Variants in PPRC1 observed in about 807,000 individuals in gnomAD.
PPRC1 encodes the protein PPARG related coactivator 1.
A neutral mutation model predicts 132.5 loss-of-function variants in PPRC1; 23 were observed. The observed-to-expected ratio is 0.17, with a 90% CI of 0.12 to 0.25. PPRC1 has a LOEUF of 0.25. Ranked by LOEUF, PPRC1 falls within the 10% of genes least tolerant of loss-of-function variation. The pLI, the probability that PPRC1 is intolerant of heterozygous loss-of-function variation, is 1.00. For synonymous variants in PPRC1, 872 were observed against 833.5 expected, an observed-to-expected ratio of 1.05 and a Z score of -0.80; for missense variants, 2,006 against 2,089.1, an observed-to-expected ratio of 0.96 and a Z score of 0.78.
At position 102,139,490 on chromosome 10, in the gene PPRC1, G is replaced by A; in HGVS notation, c.982G>A (p.Asp328Asn). Residue 328 changes from aspartate to asparagine, a missense_variant, in exon 5 of 14, where the codon GAT (aspartate) becomes AAT (asparagine). By Grantham distance (23) the Asp-to-Asn change is conservative. Coordinates refer to ENST00000278070, the MANE Select transcript of PPRC1 (RefSeq NM_015062.5). ...PNLTHLASLE[D>N]ELQEQPDDLT... ...CCTCACCCACCTGGCATCACTTGAG[G>A]ATGAGCTTCAGGAGCAGCCAGATGA... The A allele has an allele frequency of 3.7e-6, 6 of 1,614,112 alleles. No homozygotes were observed. In the South Asian group the frequency reaches 6.6e-5, roughly 18 times the overall value.
the PPRC1 span, among the ~76,000 whole-genome samples, chr10:102,121,706 T>G: frequency 6.6e-6 from 1 of 152,080 alleles, no homozygotes; most frequent in Admixed American, 6.5e-5. Context: ...AGTTTCAGTA[T>G]GGGCTCCAGG....
Position 102,148,856 on chromosome 10 carries a change from C to A in PPRC1, c.4657C>A (p.Arg1553Ser). Residue 1553 changes from arginine (R) to serine (S), a missense_variant, in exon 12 of 14, where the codon CGC becomes AGC. By Grantham distance (110) the Arg-to-Ser change is moderately radical (BLOSUM62 -1). Around this residue, in one of 2 missense-constraint regions of PPRC1, gnomAD observed 92 missense variants for 171.9 expected, o/e 0.54. Transcript: ENST00000278070. This position sits in a 1 kb window ranked among gnomAD's most constrained non-coding sequence, Gnocchi z 4.2. ...RVVFIGKIPGRMTRSELKQRF... is the reference protein window; with the variant it reads ...RVVFIGKIPGSMTRSELKQRF... ...GGTCTTCATTGGAAAGATACCTGGC[C>A]GCATGACTCGATCAGAGCTGAAACA... 2 of 1,614,106 alleles carry A rather than the reference C, an allele frequency of 1.2e-6. No homozygotes were observed. The highest frequency in any genetic ancestry group is 1.7e-6 in the Non-Finnish European group (2 of 1,180,024).
At position 102,140,092 on chromosome 10, in the gene PPRC1, G is replaced by C. The variant is rs765610716; in HGVS notation, c.1584G>C (p.Trp528Cys). ...AGCCCCGGGCTTGGGCTCGGGCCTG[G>C]GCAGCTGCCTTGGAGAATTCTAGCC... is the stretch of plus-strand genomic sequence containing the variant. The part of the protein sequence containing the change: ...KGKPRAWARA[W>C]AAALENSSPK... Residue 528 changes from tryptophan (W) to cysteine (C), a missense_variant, in exon 5 of 14, where the codon TGG becomes TGC. Coordinates refer to ENST00000278070, the MANE Select transcript of PPRC1 (RefSeq NM_015062.5). The C allele has an allele frequency of 6.2e-7, 1 of 1,614,232 alleles. No homozygotes were observed. Among genetic ancestry groups the C allele is most frequent in the Non-Finnish European group, 8.5e-7 (1 of 1,180,040 alleles).
Position 102,148,444 on chromosome 10 carries a change from TTCCTCA to T in PPRC1, c.4482_4487del (p.Ser1498_Ser1499del), listed in dbSNP as rs1194248597. The T allele has an allele frequency of 4.3e-6, 7 of 1,611,416 alleles. No homozygotes were observed. The highest frequency in any genetic ancestry group is 1.7e-4 in the Middle Eastern group (1 of 6,032). Reference sequence around the variant, plus strand: ...CTTCGTCATCATCTTCCTCTTCGTCTTCCTCATCCTCATCATCCAGTTCTCGAAGCC... The same window carrying T: ...CTTCGTCATCATCTTCCTCTTCGTCTTCCTCATCATCCAGTTCTCGAAGCC... On this transcript the variant is annotated inframe_deletion, in exon 10 of 14. Transcript: ENST00000278070. The surrounding 1 kb of genome is among the most constrained non-coding windows in gnomAD (Gnocchi z 4.2).
chr10:102,119,994 GC>G, the PPRC1 span: 5 of 1,004,470 alleles, frequency 5.0e-6, no homozygotes, highest in South Asian at 3.8e-5. Flanking sequence ...TGCCATCGAC[GC>G]CCCCCACACA....
chr10:102,122,881 C>T, the PPRC1 span, among the ~76,000 whole-genome samples: 1 of 152,174 alleles, frequency 6.6e-6, no homozygotes, highest in South Asian at 2.1e-4. Context: ...ACTCATTTAC[C>T]TTTCATGAGG....
intron 13 of PPRC1, 128 bp from the exon 14 acceptor site, chr10:102,149,798 C>G (rs759128137): frequency 4.1e-6 from 3 of 727,056 alleles, no homozygotes; most frequent in Admixed American, 4.0e-5. Context: ...ACTCTCCTAT[C>G]TCTTTGACTT....
chr10:102,131,193 C>CAA (rs1175316312), upstream of PPRC1, among the ~76,000 whole-genome samples: 4 of 80,694 alleles, frequency 5.0e-5, no homozygotes, highest in South Asian at 4.0e-4. Context: ...CACTCCATCT[C>CAA]AAAAAAAAAA....
In PPRC1 at chr10:102,141,309, A is replaced by G. The variant is rs759664909; in HGVS notation, c.2801A>G (p.Tyr934Cys). 1 of 1,613,552 alleles carries G rather than the reference A, an allele frequency of 6.2e-7. No homozygotes were observed. The highest frequency in any genetic ancestry group is 8.5e-7 in the Non-Finnish European group (1 of 1,179,812). ...TATCCTCATGTGTCCCCTTCTGGCT[A>G]TCCTTGCCTGCCCCCCCCACCAACG... is the stretch of plus-strand genomic sequence containing the variant. ...PCYPHVSPSG[Y>C]PCLPPPPTVP... Residue 934 changes from tyrosine (Y) to cysteine (C), a missense_variant, in exon 5 of 14, where the codon TAT becomes TGT. This residue lies in a region of PPRC1 where 1,914 missense variants were observed against 1,917.2 expected (regional missense o/e 1.00). Transcript: ENST00000278070.
the PPRC1 span, among the ~76,000 whole-genome samples, chr10:102,123,978 T>G: frequency 6.6e-6 from 1 of 151,862 alleles, no homozygotes; most frequent in Non-Finnish European, 1.5e-5. Context: ...GTACCTGGGA[T>G]TATAGGCATG....
intron 8 of PPRC1, 127 bp downstream of exon 8, chr10:102,145,217 A>C: frequency 2.3e-6 from 2 of 886,712 alleles, no homozygotes; most frequent in Non-Finnish European, 3.4e-6. Context: ...TGAGATACTC[A>C]CAGTCTAGGG....
chr10:102,122,868 C>G, the PPRC1 span, among the ~76,000 whole-genome samples: 1 of 152,146 alleles, frequency 6.6e-6, no homozygotes, highest in African/African-American at 2.4e-5. Flanking sequence ...TTTACACTTG[C>G]CGACTCATTT....
chr10:102,141,539 G>C lies in PPRC1; in HGVS notation c.3031G>C (p.Val1011Leu), dbSNP rs201069737. Residue 1011 changes from valine to leucine, a missense_variant, in exon 5 of 14, where the codon GTT becomes CTT. Physicochemically the swap from Val to Leu is conservative, Grantham distance 32 (BLOSUM62 1). Around this residue, in one of 2 missense-constraint regions of PPRC1, gnomAD observed 1,914 missense variants for 1,917.2 expected, o/e 1.00. Transcript: ENST00000278070. ...GCCTCCAGCCTCCATTGGGAGAGCT[G>C]TTCCCCAACCTAAAATGGAGTCTAG... ...PLPPASIGRA[V>L]PQPKMESRGT... 3.5e-5 allele frequency: 56 copies of C among 1,613,948 alleles called. No individual in the cohort carries two copies. Among genetic ancestry groups the C allele is most frequent in the Non-Finnish European group, 2.9e-5 (34 of 1,180,038 alleles).
At chr10:102,124,148 C>T in the PPRC1 span, among the ~76,000 whole-genome samples, 21 of 152,034 alleles carry the variant, frequency 1.4e-4, no homozygotes, top group African/African-American at 4.3e-4. Context: ...TCACTGCAAC[C>T]GCCGCCTCCC....
chr10:102,148,408 C>CTCTTCCTCTTCTTCGTCATCA lies in PPRC1; in HGVS notation c.4449_4469dup (p.Ser1493_Ser1499dup). On this transcript the variant is annotated inframe_insertion, in exon 10 of 14. Transcript: ENST00000278070. This position sits in a 1 kb window ranked among gnomAD's most constrained non-coding sequence, Gnocchi z 4.2. ...GTTCCTCTGGACGTTCTCGAAGATG[C>CTCTTCCTCTTCTTCGTCATCA]TCTTCCTCTTCTTCGTCATCATCTT... The CTCTTCCTCTTCTTCGTCATCA allele has an allele frequency of 6.2e-7, 1 of 1,612,604 alleles. No individual in the cohort carries two copies.
At chr10:102,138,183 C>A in intron 2 of PPRC1, 145 bp downstream of exon 2, 2 of 861,114 alleles carry the variant, frequency 2.3e-6, no homozygotes, top group Non-Finnish European at 3.5e-6. Context: ...TATTTTTTGT[C>A]TCTAAGTGGG....
intron 13 of PPRC1, 55 bp from the exon 14 acceptor site, chr10:102,149,871 C>A (rs964888333): frequency 3.7e-6 from 5 of 1,360,750 alleles, no homozygotes; most frequent in Non-Finnish European, 5.3e-6. Flanking sequence ...CATTTGCAGA[C>A]CCTGTGGTTG....
Position 102,140,884 on chromosome 10 carries a change from C to A in PPRC1, c.2376C>A (p.Ile792=). The stretch of plus-strand genomic sequence containing the variant: ...AGACTCCCACAGGGCTGGCAGACAT[C>A]CCTTGTCTTGTCATCCCACCAGCCC... ...LPETPTGLAD[I]PCLVIPPAPA... The change falls in exon 5 of 14, where the codon ATC becomes ATA. Residue 792 remains isoleucine (I), a synonymous_variant. Coordinates refer to ENST00000278070, the MANE Select transcript of PPRC1 (RefSeq NM_015062.5). The A allele has an allele frequency of 6.2e-7, 1 of 1,614,082 alleles. No homozygotes were observed. The highest frequency in any genetic ancestry group is 8.5e-7 in the Non-Finnish European group (1 of 1,180,026).
the PPRC1 span, among the ~76,000 whole-genome samples, chr10:102,123,805 A>C: frequency 7.6e-6 from 1 of 132,398 alleles, no homozygotes; most frequent in Non-Finnish European, 1.6e-5. Flanking sequence ...AAATGCTGGG[A>C]TTATAGGCGT....
Sources: gnomAD v4.1 joint callset for allele counts (sites outside exome capture counted in the v4.1 genomes callset) on GRCh38, gnomAD v4.1.1 for gene constraint, gnomAD v4.1.1 regional missense constraint, Gnocchi (gnomAD v3.1) non-coding constraint, MANE v1.5 for transcripts, NCBI Gene and HGNC (gene_info 2026-07-23, HGNC 2026-07-21) for gene names.